GRAMD1B: variants seen among roughly 807,000 people sequenced by gnomAD.
The protein encoded by GRAMD1B is protein Aster-B.
Under a neutral mutation model 99.7 loss-of-function variants are expected in GRAMD1B, and 37 were observed. The ratio of observed to expected loss-of-function variants is 0.37; its 90% CI spans 0.29 to 0.49. The LOEUF is 0.49. GRAMD1B is among the 20% of genes least tolerant of loss of function. The pLI is 0.98. For missense variants in GRAMD1B, 888 were observed against 1,009.2 expected (o/e 0.88, Z 1.63); for synonymous variants, 427 against 387.6 (o/e 1.10, Z -1.19).
At chr11:123,443,504 T>C (rs1008172237) in intron 1 of GRAMD1B, among the ~76,000 whole-genome samples, 1 of 152,158 alleles carries the variant, frequency 6.6e-6, no homozygotes. Flanking sequence ...TCCAGAAAGG[T>C]TGAACAGTTC....
intron 2 of GRAMD1B, among the ~76,000 whole-genome samples, chr11:123,541,446 T>C (rs1944517398): frequency 6.6e-6 from 1 of 152,178 alleles, no homozygotes; most frequent in African/African-American, 2.4e-5. Flanking sequence ...TCAAAAATGG[T>C]ATCTCAGAGT....
intron 1 of GRAMD1B, among the ~76,000 whole-genome samples, chr11:123,384,030 C>A (rs1199542647): frequency 6.6e-6 from 1 of 151,950 alleles, no homozygotes; most frequent in Non-Finnish European, 1.5e-5. Context: ...ACCACCACGC[C>A]CAGCTAATTT....
chr11:123,626,764 A>G lies in GRAMD1B; in HGVS notation c.*4169A>G, dbSNP rs1371614621. ...GACATCCTTGACTTTCATTCCCCCA[A>G]CCTCCAGCAGGTTGGCCCCAATCCT... On this transcript the variant is annotated 3_prime_UTR_variant, in exon 20 of 20. Transcript: ENST00000635736. 3 of 151,452 alleles carry G rather than the reference A, an allele frequency of 2.0e-5. No individual in the cohort carries two copies. The highest frequency in any genetic ancestry group is 7.3e-5 in the African/African-American group (3 of 41,116). The allele number at this position is 151,452 out of a possible 1,614,324, so 9.4% of individuals were successfully genotyped here. A position where few individuals can be genotyped will look rare whatever the true frequency, so the allele number is the denominator to read the frequency against.
chr11:123,466,374 AAG>A (rs10623493), intron 1 of GRAMD1B, among the ~76,000 whole-genome samples: 23 of 130,766 alleles, frequency 1.8e-4, no homozygotes, highest in African/African-American at 4.0e-4. Flanking sequence ...AGGAAAAAGA[AAG>A]AGAGAGAGAA....
intron 1 of GRAMD1B, among the ~76,000 whole-genome samples, chr11:123,408,368 G>A (rs1947927364): frequency 1.3e-5 from 2 of 152,186 alleles, no homozygotes; most frequent in Admixed American, 1.3e-4. Flanking sequence ...TGTTTGCATG[G>A]CTGATAACCC....
intron 1 of GRAMD1B, among the ~76,000 whole-genome samples, chr11:123,463,062 G>A (rs954280728): frequency 5.9e-5 from 9 of 152,124 alleles, no homozygotes; most frequent in Non-Finnish European, 1.3e-4. Context: ...AGGCTGGAGT[G>A]CGATGGCGCG....
intron 1 of GRAMD1B, among the ~76,000 whole-genome samples, chr11:123,467,840 TC>T (rs1565523995): frequency 1.2e-4 from 12 of 103,118 alleles, no homozygotes; most frequent in African/African-American, 1.5e-4. Context: ...CCTCCCTCCC[TC>T]CCTTCCTTCC....
chr11:123,559,164 G>A (rs1046954988), intron 2 of GRAMD1B, among the ~76,000 whole-genome samples: 10 of 152,188 alleles, frequency 6.6e-5, no homozygotes, highest in African/African-American at 2.2e-4. Context: ...ACTTTTGGGT[G>A]GTCCCCTAGA....
chr11:123,596,131 C>A, intron 7 of GRAMD1B, 94 bp downstream of exon 7: 1 of 712,604 alleles, frequency 1.4e-6, no homozygotes, highest in Non-Finnish European at 2.4e-6. Flanking sequence ...ATGTGGAAGC[C>A]AATAGGATTG....
chr11:123,458,768 AT>A (rs1454915451), intron 1 of GRAMD1B: 1 of 151,054 alleles, frequency 6.6e-6, no homozygotes. Context: ...GAATGGGAGC[AT>A]TCTGAGTGAT....
intron 19 of GRAMD1B, among the ~76,000 whole-genome samples, 195 bp from the exon 20 acceptor site, chr11:123,622,311 C>G (rs1415297427): frequency 6.6e-6 from 1 of 152,214 alleles, no homozygotes; most frequent in Admixed American, 6.5e-5. Context: ...GTGTGCGTCA[C>G]TGCACCCAGC....
At chr11:123,408,354 T>C (rs556573557) in intron 1 of GRAMD1B, among the ~76,000 whole-genome samples, 1 of 152,390 alleles carries the variant, frequency 6.6e-6, no homozygotes, top group African/African-American at 2.4e-5. Context: ...TTTTTACAGC[T>C]ATTTGTTTGC....
chr11:123,622,123 C>A (rs1007777126), intron 19 of GRAMD1B, among the ~76,000 whole-genome samples: 9 of 152,028 alleles, frequency 5.9e-5, no homozygotes, highest in African/African-American at 2.2e-4. Context: ...CGGGTTCAAG[C>A]CATCCTCCCA....
chr11:123,470,396 G>A (rs76125074), intron 1 of GRAMD1B, among the ~76,000 whole-genome samples: 4,268 of 152,044 alleles, frequency 0.028, 90 homozygotes, highest in African/African-American at 0.047. Context: ...TGATGTCCAG[G>A]CTGGACTTAA....
rs539234157 is a variant in GRAMD1B, at chr11:123,544,409, TTTCTACTC to T, written c.453-32956_453-32949del. Among the ~76,000 whole-genome samples, 7 of 152,326 alleles carry T rather than the reference TTTCTACTC, an allele frequency of 4.6e-5. No individual in the cohort carries two copies. The East Asian group carries it at 9.6e-4, about 21-fold the overall frequency. On this transcript the variant is annotated intron_variant, in intron 2 of 19. Transcript: ENST00000635736. ...CCTGACCACCTTTCCTTCCTAACTC[TTTCTACTC>T]TCTACTCTGTTCTCTTTGTGATTTC...
At chr11:123,601,388 T>TAAA (rs371394159) in intron 8 of GRAMD1B, among the ~76,000 whole-genome samples, 2 of 144,602 alleles carry the variant, frequency 1.4e-5, no homozygotes. Flanking sequence ...CTGTTTCAAT[T>TAAA]AAAAAAAAAA....
chr11:123,446,278 G>A (rs1467956259), intron 1 of GRAMD1B, among the ~76,000 whole-genome samples: 3 of 152,138 alleles, frequency 2.0e-5, no homozygotes, highest in East Asian at 3.9e-4. Flanking sequence ...AGATTCTCCC[G>A]CCTCAGCCTC....
chr11:123,369,586 G>A (rs887461787), intron 1 of GRAMD1B, among the ~76,000 whole-genome samples: 3 of 151,982 alleles, frequency 2.0e-5, no homozygotes, highest in South Asian at 2.1e-4. Flanking sequence ...ACCCTATAAA[G>A]TGTGGCCAGG....
chr11:123,558,982 GA>G (rs887227921), intron 2 of GRAMD1B, among the ~76,000 whole-genome samples: 1 of 152,232 alleles, frequency 6.6e-6, no homozygotes, highest in Non-Finnish European at 1.5e-5. Context: ...GACATCAATG[GA>G]TTGTAATTAT....
Sources: gnomAD v4.1 joint callset for allele counts (sites outside exome capture counted in the v4.1 genomes callset) on GRCh38, gnomAD v4.1.1 for gene constraint, MANE v1.5 for transcripts, NCBI Gene and HGNC (gene_info 2026-07-23, HGNC 2026-07-21) for gene names.